KPNA4: variants seen among roughly 807,000 people sequenced by gnomAD.
The protein encoded by KPNA4 is karyopherin subunit alpha 4, also known as importin subunit alpha-3.
In KPNA4, 13 loss-of-function variants were observed where a neutral mutation model predicts 71.3. That is an observed-to-expected ratio of 0.18 (90% confidence interval 0.12 to 0.29). The LOEUF is 0.29. Ranked by LOEUF, KPNA4 falls within the 10% of genes least tolerant of loss-of-function variation. KPNA4 has a pLI of 1.00. For missense variants in KPNA4, 334 were observed against 603.2 expected, an observed-to-expected ratio of 0.55 and a Z score of 4.67; for synonymous variants, 189 against 195.2, an observed-to-expected ratio of 0.97 and a Z score of 0.26.
rs1301987418 is a variant in KPNA4 at position 160,565,558 on chromosome 3, G to A, written c.-276C>T. ...AATGTGCTGCCGGCTGAGAGGGGGA[G>A]GCAGCCTCGATCTGAGGGCCCCGGC... On this transcript the variant is annotated 5_prime_UTR_variant, in exon 1 of 17. Transcript: ENST00000334256. 5 of 525,284 alleles carry A rather than the reference G, an allele frequency of 9.5e-6. No homozygotes were observed. The highest frequency in any genetic ancestry group is 3.4e-5 in the East Asian group (1 of 29,652). 32.5% of individuals were successfully genotyped at this position (525,284 alleles called of 1,614,324 possible).
chr3:160,552,438 C>T (rs1258613901), intron 1 of KPNA4, among the ~76,000 whole-genome samples: 3 of 152,036 alleles, frequency 2.0e-5, no homozygotes, highest in African/African-American at 7.3e-5. Context: ...AAAAAAATTT[C>T]ATTTAATTCC....
rs1027564458 is a variant in KPNA4 at position 160,501,678 on chromosome 3, C to T, written c.*426G>A. The T allele has an allele frequency of 6.6e-6, 1 of 152,620 alleles. No individual in the cohort carries two copies. The highest frequency in any genetic ancestry group is 1.5e-5 in the Non-Finnish European group (1 of 68,050). 9.5% of individuals were successfully genotyped at this position (152,620 alleles called of 1,614,324 possible). A position where few individuals can be genotyped will look rare whatever the true frequency, so the allele number is the denominator to read the frequency against. On this transcript the variant is annotated 3_prime_UTR_variant, in exon 17 of 17. Coordinates refer to ENST00000334256, the MANE Select transcript of KPNA4 (RefSeq NM_002268.5). ...TCATAGCAAGGCCTGGGCTCATTTT[C>T]CTTTGACTTATATGGGCAGCCTATT...
chr3:160,560,605 C>G (rs1315523093), intron 1 of KPNA4, among the ~76,000 whole-genome samples: 2 of 150,880 alleles, frequency 1.3e-5, no homozygotes, highest in Non-Finnish European at 3.0e-5. Flanking sequence ...ATTTTTTTTT[C>G]TAAAGTAGCT....
rs544960264 is a variant in KPNA4, at chr3:160,530,729, T to C, written c.469+126A>G. ...AAAGTAACATACTTAAGTTGACCTA[T>C]TTCAATAACTACGTAGTAGCTATTA... On this transcript the variant is annotated intron_variant, in intron 7 of 16. Coordinates refer to ENST00000334256, the MANE Select transcript of KPNA4 (RefSeq NM_002268.5). 1,272 of 628,394 alleles carry C rather than the reference T, an allele frequency of 2.0e-3. 2 individuals are homozygous for C. Among genetic ancestry groups the C allele is most frequent in the Non-Finnish European group, 1.9e-3 (704 of 362,636 alleles). The allele number at this position is 628,394 out of a possible 1,614,324, so 38.9% of individuals were successfully genotyped here.
intron 15 of KPNA4, 120 bp from the exon 16 acceptor site, chr3:160,505,172 T>C (rs1242119958): frequency 6.6e-6 from 3 of 451,440 alleles, no homozygotes. Context: ...TTATAATTTT[T>C]GGGAATTTAA....
Position 160,516,344 on chromosome 3 carries a change from A to G in KPNA4, c.904-764T>C, listed in dbSNP as rs564917390. Among the ~76,000 whole-genome samples the G allele has an allele frequency of 8.6e-5, 13 of 151,216 alleles. No individual in the cohort carries two copies. In the East Asian group the frequency reaches 2.5e-3, roughly 29 times the overall value. ...TAGCATCAGGCACTGATGTAGGAAC[A>G]GAGATGTGAAGATAGACACATGTTC... On this transcript the variant is annotated intron_variant, in intron 11 of 16. Coordinates refer to ENST00000334256, the MANE Select transcript of KPNA4 (RefSeq NM_002268.5).
intron 1 of KPNA4, among the ~76,000 whole-genome samples, chr3:160,543,684 T>G (rs1721850990): frequency 6.6e-6 from 1 of 152,208 alleles, no homozygotes; most frequent in Non-Finnish European, 1.5e-5. Flanking sequence ...TTGTCATTTG[T>G]AGTTACTATG....
chr3:160,561,606 A>G (rs1409276386), intron 1 of KPNA4, among the ~76,000 whole-genome samples: 7 of 152,110 alleles, frequency 4.6e-5, no homozygotes, highest in Non-Finnish European at 8.8e-5. Flanking sequence ...AGGAACAAAT[A>G]TCAGATTGAA....
chr3:160,513,370 C>T (rs1020188143), intron 13 of KPNA4, among the ~76,000 whole-genome samples: 1 of 151,250 alleles, frequency 6.6e-6, no homozygotes, highest in East Asian at 1.9e-4. Flanking sequence ...ATCCTCCCAC[C>T]GTAGCTTCCC....
intron 15 of KPNA4, among the ~76,000 whole-genome samples, chr3:160,507,720 A>G (rs1200302670): frequency 1.3e-5 from 2 of 152,174 alleles, no homozygotes; most frequent in African/African-American, 4.8e-5. Flanking sequence ...ATCTCTCAAA[A>G]TCCAGCTCAG....
At position 160,496,989 on chromosome 3, in the gene KPNA4, G is replaced by A. The variant is rs1473903069; in HGVS notation, c.*5115C>T. 1.3e-5 allele frequency: 2 copies of A among 152,210 alleles called. No individual in the cohort carries two copies. The highest frequency in any genetic ancestry group is 4.8e-5 in the African/African-American group (2 of 41,450). 9.4% of individuals were successfully genotyped at this position (152,210 alleles called of 1,614,324 possible). A position where few individuals can be genotyped will look rare whatever the true frequency, so the allele number is the denominator to read the frequency against. The stretch of plus-strand genomic sequence containing the variant: ...GGGTTAAGTGTTTAGGGAAAAAAAT[G>A]TTAAATCTACTTTTCTTATACATGA... On this transcript the variant is annotated 3_prime_UTR_variant, in exon 17 of 17. Coordinates refer to ENST00000334256, the MANE Select transcript of KPNA4 (RefSeq NM_002268.5).
intron 11 of KPNA4, among the ~76,000 whole-genome samples, chr3:160,516,047 C>T (rs1378262384): frequency 6.6e-6 from 1 of 152,204 alleles, no homozygotes; most frequent in African/African-American, 2.4e-5. Context: ...AGTGCAGTGG[C>T]TCGATCCTGG....
intron 1 of KPNA4, among the ~76,000 whole-genome samples, chr3:160,549,441 G>A (rs566697974): frequency 1.3e-5 from 2 of 152,240 alleles, no homozygotes; most frequent in Admixed American, 1.3e-4. Context: ...TCCATTTTGA[G>A]TTGATTTTTG....
At chr3:160,531,036 T>C (rs552654396) in intron 6 of KPNA4, 96 bp from the exon 7 acceptor site, 2 of 821,022 alleles carry the variant, frequency 2.4e-6, no homozygotes, top group East Asian at 2.6e-5. Flanking sequence ...ATGCATTAAA[T>C]ATTTTGTTTC....
At chr3:160,546,472 C>G (rs951274890) in intron 1 of KPNA4, among the ~76,000 whole-genome samples, 3 of 152,000 alleles carry the variant, frequency 2.0e-5, no homozygotes, top group African/African-American at 4.8e-5. Flanking sequence ...GAGCCGAGAT[C>G]GCAACACTGC....
At chr3:160,541,945 T>C (rs1002459362) in intron 1 of KPNA4, among the ~76,000 whole-genome samples, 1 of 152,226 alleles carries the variant, frequency 6.6e-6, no homozygotes, top group African/African-American at 2.4e-5. Context: ...ACTTATTTAA[T>C]ACACGTATTA....
At chr3:160,557,174 T>C (rs1312306562) in intron 1 of KPNA4, among the ~76,000 whole-genome samples, 4 of 152,182 alleles carry the variant, frequency 2.6e-5, no homozygotes, top group Non-Finnish European at 4.4e-5. Flanking sequence ...CTTGCTTGTT[T>C]TTCTGGACCA....
At chr3:160,550,543 T>C (rs1023099637) in intron 1 of KPNA4, among the ~76,000 whole-genome samples, 3 of 152,174 alleles carry the variant, frequency 2.0e-5, no homozygotes, top group African/African-American at 4.8e-5. Flanking sequence ...ACTGGACTTA[T>C]ATGCATGAGC....
chr3:160,551,723 T>A (rs1005798445), intron 1 of KPNA4, among the ~76,000 whole-genome samples: 1 of 152,158 alleles, frequency 6.6e-6, no homozygotes, highest in South Asian at 2.1e-4. Context: ...TTAAACCAAA[T>A]TGAGAGCCTG....
Sources: gnomAD v4.1 joint callset for allele counts (sites outside exome capture counted in the v4.1 genomes callset) on GRCh38, gnomAD v4.1.1 for gene constraint, MANE v1.5 for transcripts, NCBI Gene and HGNC (gene_info 2026-07-23, HGNC 2026-07-21) for gene names.